CADM1: variants seen among roughly 807,000 people sequenced by gnomAD.
CADM1 encodes the protein cell adhesion molecule 1.
Under a neutral mutation model 53.1 loss-of-function variants are expected in CADM1, and 15 were observed. That is an observed-to-expected ratio of 0.28 (90% CI 0.19 to 0.44). The LOEUF (loss-of-function observed/expected upper bound fraction) is 0.44, where lower values mean the gene tolerates loss of function less well. Ranked by LOEUF, CADM1 falls within the 20% of genes least tolerant of loss-of-function variation. The probability of loss-of-function intolerance (pLI) is 1.00; values close to 1 mark genes in which losing one functional copy is unlikely to be tolerated. For missense variants in CADM1, 434 were observed against 611.3 expected, an observed-to-expected ratio of 0.71 and a Z score of 3.06; for synonymous variants, 281 against 243.0, an observed-to-expected ratio of 1.16 and a Z score of -1.45.
At chr11:115,375,059 T>C (rs1946404301) in intron 1 of CADM1, among the ~76,000 whole-genome samples, 1 of 152,236 alleles carries the variant, frequency 6.6e-6, no homozygotes, top group South Asian at 2.1e-4. Context: ...CTTTTAGAGA[T>C]ACATACTGAA....
intron 1 of CADM1, among the ~76,000 whole-genome samples, chr11:115,439,324 T>G (rs372323853): frequency 1.8e-4 from 27 of 152,286 alleles, no homozygotes; most frequent in African/African-American, 6.5e-4. Flanking sequence ...AGAGCCTAGA[T>G]AGGTGTCCAT....
In CADM1 at chr11:115,209,617, G is replaced by A. The variant is rs1373787098; in HGVS notation, c.1035C>T (p.Thr345=). 4 of 1,612,862 alleles carry A rather than the reference G, an allele frequency of 2.5e-6. No individual in the cohort carries two copies. The highest frequency in any genetic ancestry group is 1.3e-5 in the African/African-American group (1 of 74,826). Residue 345 remains threonine, a synonymous_variant, in exon 8 of 12, where the codon ACC becomes ACT. Transcript: ENST00000331581. The part of the protein sequence containing the change: ...TTIPPPTTTT[T]TTTTTTTTIL... ...TGGTGGTGGTGGTGGTGGTGGTGGT[G>A]GTGGTGGTTGTTGTGGGAGGAGGGA...
rs1024316858 is a variant in CADM1, at chr11:115,176,056, T to A, written c.*418A>T. ...AAGGGAAGGAAAAGAGTCTAAGGAA[T>A]CCCAGCAGGCAAATTCCAAAATGGG... On this transcript the variant is annotated 3_prime_UTR_variant, in exon 12 of 12. Coordinates refer to ENST00000331581, the MANE Select transcript of CADM1 (RefSeq NM_001301043.2). The A allele has an allele frequency of 3.7e-6, 4 of 1,085,418 alleles. No homozygotes were observed. The allele number at this position is 1,085,418 out of a possible 1,614,324, so 67.2% of individuals were successfully genotyped here. A position where few individuals can be genotyped will look rare whatever the true frequency, so the allele number is the denominator to read the frequency against.
chr11:115,333,921 G>A (rs925526631), intron 1 of CADM1, among the ~76,000 whole-genome samples: 4 of 152,124 alleles, frequency 2.6e-5, no homozygotes, highest in Non-Finnish European at 4.4e-5. Flanking sequence ...AAACTGACCA[G>A]TGGGCCTTCA....
intron 1 of CADM1, among the ~76,000 whole-genome samples, chr11:115,352,877 T>C (rs1332077118): frequency 6.6e-6 from 1 of 152,206 alleles, no homozygotes; most frequent in Non-Finnish European, 1.5e-5. Flanking sequence ...TACAGCTCCA[T>C]AGTATTCCAC....
At chr11:115,231,934 C>T (rs1274887095) in intron 3 of CADM1, among the ~76,000 whole-genome samples, 7 of 152,030 alleles carry the variant, frequency 4.6e-5, no homozygotes, top group Non-Finnish European at 8.8e-5. Flanking sequence ...TACAGTGAGC[C>T]GAGATCGTGC....
chr11:115,432,013 C>T (rs1229954849), intron 1 of CADM1, among the ~76,000 whole-genome samples: 2 of 151,946 alleles, frequency 1.3e-5, no homozygotes, highest in Non-Finnish European at 2.9e-5. Flanking sequence ...GGCGTGATCT[C>T]GGCTCACTGC....
chr11:115,493,394 G>A (rs1048822108), intron 1 of CADM1, among the ~76,000 whole-genome samples: 10 of 151,878 alleles, frequency 6.6e-5, no homozygotes, highest in Admixed American at 3.3e-4. Context: ...TTATAACCAC[G>A]GACATAATAT....
chr11:115,420,463 A>C (rs1390568997), intron 1 of CADM1, among the ~76,000 whole-genome samples: 1 of 152,170 alleles, frequency 6.6e-6, no homozygotes, highest in African/African-American at 2.4e-5. Context: ...ATGTCTAACA[A>C]ATTCAGGACA....
intron 8 of CADM1, among the ~76,000 whole-genome samples, chr11:115,206,750 G>A (rs1472772204): frequency 4.5e-5 from 1 of 22,142 alleles, no homozygotes; most frequent in Non-Finnish European, 1.0e-4. Context: ...ATAGATGACT[G>A]TGGACTTCTT....
At chr11:115,375,747 CTAATAATAA>C (rs528230983) in intron 1 of CADM1, among the ~76,000 whole-genome samples, 5 of 151,158 alleles carry the variant, frequency 3.3e-5, no homozygotes, top group Non-Finnish European at 5.9e-5. Context: ...AGGGAGTATG[CTAATAATAA>C]TAATAATAAT....
intron 1 of CADM1, among the ~76,000 whole-genome samples, chr11:115,415,057 G>A (rs1035701558): frequency 6.6e-6 from 1 of 152,122 alleles, no homozygotes; most frequent in African/African-American, 2.4e-5. Flanking sequence ...TAGCAGAGTG[G>A]TCTAATGAGG....
chr11:115,246,022 A>C (rs1942396855), intron 1 of CADM1, among the ~76,000 whole-genome samples: 1 of 152,242 alleles, frequency 6.6e-6, no homozygotes, highest in African/African-American at 2.4e-5. Context: ...AGTTCTATTT[A>C]AATATTACAG....
chr11:115,487,565 T>A (rs541231243), intron 1 of CADM1, among the ~76,000 whole-genome samples: 2 of 152,170 alleles, frequency 1.3e-5, no homozygotes, highest in South Asian at 4.1e-4. Context: ...TGAAAAAAAA[T>A]CTGCTACTAT....
chr11:115,190,238 T>TC (rs766087703), intron 10 of CADM1, among the ~76,000 whole-genome samples: 2 of 152,110 alleles, frequency 1.3e-5, no homozygotes, highest in Non-Finnish European at 2.9e-5. Context: ...TTAAATCTCC[T>TC]CCCTCCCTCC....
chr11:115,243,582 C>T (rs750191493), intron 1 of CADM1, among the ~76,000 whole-genome samples: 15 of 152,096 alleles, frequency 9.9e-5, no homozygotes, highest in African/African-American at 2.2e-4. Flanking sequence ...GATGAAAATA[C>T]GGTATGTATG....
At chr11:115,178,016 G>A (rs972918450) in intron 11 of CADM1, among the ~76,000 whole-genome samples, 4 of 152,114 alleles carry the variant, frequency 2.6e-5, no homozygotes, top group Non-Finnish European at 5.9e-5. Context: ...AGCAGCATGG[G>A]GCAGACAGGA....
chr11:115,392,697 T>C (rs986627672), intron 1 of CADM1, among the ~76,000 whole-genome samples: 3 of 152,062 alleles, frequency 2.0e-5, no homozygotes, highest in Admixed American at 6.6e-5. Flanking sequence ...CAAATGACCA[T>C]GTGGTGAGAT....
chr11:115,223,259 C>T (rs1941472049), intron 5 of CADM1, among the ~76,000 whole-genome samples: 2 of 152,188 alleles, frequency 1.3e-5, no homozygotes, highest in Admixed American at 1.3e-4. Context: ...AGGTGTTCTG[C>T]TTTACATATT....
Sources: gnomAD v4.1 joint callset for allele counts (sites outside exome capture counted in the v4.1 genomes callset) on GRCh38, gnomAD v4.1.1 for gene constraint, MANE v1.5 for transcripts, NCBI Gene and HGNC (gene_info 2026-07-23, HGNC 2026-07-21) for gene names.